ROR1: variants seen among roughly 807,000 people sequenced by gnomAD.
ROR1 encodes the protein ROR family WNT receptor 1, also known as inactive tyrosine-protein kinase transmembrane receptor ROR1.
ROR1 carries 19 observed loss-of-function variants against 78.8 expected under a neutral mutation model. That is an observed-to-expected ratio of 0.24 (90% CI 0.17 to 0.35). The LOEUF (loss-of-function observed/expected upper bound fraction) is 0.35, where lower values mean the gene tolerates loss of function less well. Ranked by LOEUF, ROR1 falls within the 10% of genes least tolerant of loss-of-function variation. The probability of loss-of-function intolerance (pLI) is 1.00; values close to 1 mark genes in which losing one functional copy is unlikely to be tolerated. For missense variants in ROR1, 917 were observed against 1,177.8 expected (o/e 0.78, Z 3.24); for synonymous variants, 386 against 433.6 (o/e 0.89, Z 1.36).
At chr1:63,967,570 A>G (rs1336039386) in intron 1 of ROR1, among the ~76,000 whole-genome samples, 1 of 152,118 alleles carries the variant, frequency 6.6e-6, no homozygotes, top group Non-Finnish European at 1.5e-5. Flanking sequence ...TACCACCATC[A>G]TCAACCCTGT....
chr1:64,086,347 A>G (rs1362615094), intron 4 of ROR1, among the ~76,000 whole-genome samples: 1 of 152,194 alleles, frequency 6.6e-6, no homozygotes, highest in Non-Finnish European at 1.5e-5. Context: ...CTTTTCAACT[A>G]GTTATTCAAA....
chr1:63,966,614 C>G (rs1466171258), intron 1 of ROR1, among the ~76,000 whole-genome samples: 1 of 152,200 alleles, frequency 6.6e-6, no homozygotes, highest in Non-Finnish European at 1.5e-5. Flanking sequence ...AACTCTCATT[C>G]AGGCTGTTAA....
intron 1 of ROR1, among the ~76,000 whole-genome samples, chr1:63,905,642 C>T (rs1645522044): frequency 6.6e-6 from 1 of 152,198 alleles, no homozygotes; most frequent in Non-Finnish European, 1.5e-5. Context: ...TATCTATAAT[C>T]TGTTGTTTGG....
chr1:63,811,419 C>A (rs1433592038), intron 1 of ROR1, among the ~76,000 whole-genome samples: 1 of 152,118 alleles, frequency 6.6e-6, no homozygotes, highest in Non-Finnish European at 1.5e-5. Flanking sequence ...CTTTTGAGAT[C>A]AAAATTTTGT....
chr1:63,810,036 C>T (rs1413023241), intron 1 of ROR1, among the ~76,000 whole-genome samples: 1 of 152,104 alleles, frequency 6.6e-6, no homozygotes, highest in East Asian at 1.9e-4. Flanking sequence ...GCAGCTTGCC[C>T]AGGTTCAATG....
At chr1:63,788,938 G>C (rs1644708246) in intron 1 of ROR1, 1 of 774,552 alleles carries the variant, frequency 1.3e-6, no homozygotes, top group African/African-American at 1.7e-5. Flanking sequence ...TTCAGGTACA[G>C]GCTGTGATAC....
chr1:63,996,380 C>A (rs1646337111), intron 1 of ROR1, among the ~76,000 whole-genome samples: 1 of 152,154 alleles, frequency 6.6e-6, no homozygotes, highest in African/African-American at 2.4e-5. Context: ...TCTCCCCAGG[C>A]TATCAGTAAT....
intron 4 of ROR1, among the ~76,000 whole-genome samples, chr1:64,099,708 C>T (rs1261082262): frequency 3.9e-5 from 6 of 152,110 alleles, no homozygotes; most frequent in Admixed American, 2.0e-4. Flanking sequence ...ATTAAAATTT[C>T]AAGTAACACA....
chr1:63,945,677 T>C (rs142008793), intron 1 of ROR1, among the ~76,000 whole-genome samples: 136 of 152,322 alleles, frequency 8.9e-4, no homozygotes, highest in African/African-American at 3.2e-3. Context: ...ATTTGGCCCT[T>C]AATTGGGTGA....
At chr1:63,991,168 C>T (rs115792058) in intron 1 of ROR1, among the ~76,000 whole-genome samples, 1 of 152,100 alleles carries the variant, frequency 6.6e-6, no homozygotes, top group African/African-American at 2.4e-5. Flanking sequence ...CTAAGCTGGT[C>T]TTGAACTCCT....
chr1:64,137,729 C>T (rs917051459), intron 5 of ROR1, among the ~76,000 whole-genome samples: 2 of 152,202 alleles, frequency 1.3e-5, no homozygotes. Context: ...TTCATTCAAA[C>T]ACTCAATAAA....
At chr1:63,863,510 G>T (rs756683567) in intron 1 of ROR1, among the ~76,000 whole-genome samples, 10 of 152,158 alleles carry the variant, frequency 6.6e-5, no homozygotes, top group Non-Finnish European at 1.5e-4. Flanking sequence ...CGTGATCACT[G>T]AGGTTCCTTC....
chr1:64,140,248 T>G lies in ROR1; in HGVS notation c.750T>G (p.Asp250Glu). The G allele has an allele frequency of 5.6e-6, 9 of 1,614,186 alleles. No homozygotes were observed. The highest frequency in any genetic ancestry group is 7.6e-6 in the Non-Finnish European group (9 of 1,180,030). Residue 250 changes from aspartate (D) to glutamate (E), a missense_variant, in exon 6 of 9, where the codon GAT (aspartate) becomes GAG (glutamate). By Grantham distance (45) the Asp-to-Glu change is conservative. Transcript: ENST00000371079. ...SVPKPRDLCR[D>E]ECEILENVLC... is the part of the protein sequence containing the mutation. Reference sequence around the variant, plus strand: ...CAAAGCCCCGTGACTTGTGTCGCGATGAATGTGAAATCCTGGAGAATGTCC... The same window carrying G: ...CAAAGCCCCGTGACTTGTGTCGCGAGGAATGTGAAATCCTGGAGAATGTCC...
At chr1:64,047,057 C>G (rs1370718161) in intron 2 of ROR1, among the ~76,000 whole-genome samples, 2 of 152,128 alleles carry the variant, frequency 1.3e-5, no homozygotes, top group Non-Finnish European at 2.9e-5. Context: ...GGATTAAAGG[C>G]CATTAGTGAT....
intron 4 of ROR1, among the ~76,000 whole-genome samples, chr1:64,133,124 A>G (rs965323622): frequency 1.3e-5 from 2 of 152,194 alleles, no homozygotes; most frequent in African/African-American, 4.8e-5. Context: ...CTTTCCAGGG[A>G]AGGTAGGGGC....
At position 64,009,322 on chromosome 1, in the gene ROR1, A is replaced by G; in HGVS notation, c.109A>G (p.Ser37Gly). ...AAAQETELSVSAELVPTSSWN... is the reference protein window; with the variant it reads ...AAAQETELSVGAELVPTSSWN... ...CTTTTCAGAAACAGAGCTGTCAGTC[A>G]GTGCTGAATTAGTGCCTACCTCATC... Residue 37 changes from serine to glycine, a missense_variant, in exon 2 of 9, where the codon AGT (serine) becomes GGT (glycine). Ser to Gly is a moderately conservative substitution (Grantham distance 56). Transcript: ENST00000371079. 1.2e-6 allele frequency: 2 copies of G among 1,613,404 alleles called. No individual in the cohort carries two copies. The highest frequency in any genetic ancestry group is 8.5e-7 in the Non-Finnish European group (1 of 1,179,388).
intron 1 of ROR1, among the ~76,000 whole-genome samples, chr1:63,851,043 G>A (rs562926927): frequency 3.9e-5 from 6 of 152,264 alleles, no homozygotes; most frequent in African/African-American, 1.4e-4. Context: ...GCAGTGGCAC[G>A]ATCTAGGCTC....
intron 2 of ROR1, among the ~76,000 whole-genome samples, chr1:64,013,919 G>T (rs1347927326): frequency 6.6e-6 from 1 of 152,234 alleles, no homozygotes; most frequent in Non-Finnish European, 1.5e-5. Flanking sequence ...CCCAGTTATG[G>T]TGTGTAAATG....
chr1:63,958,866 T>A (rs1346627897), intron 1 of ROR1, among the ~76,000 whole-genome samples: 2 of 152,208 alleles, frequency 1.3e-5, no homozygotes, highest in African/African-American at 4.8e-5. Flanking sequence ...GCATCCCACA[T>A]AACACTTCTT....
Sources: gnomAD v4.1 joint callset for allele counts (sites outside exome capture counted in the v4.1 genomes callset) on GRCh38, gnomAD v4.1.1 for gene constraint, MANE v1.5 for transcripts, NCBI Gene and HGNC (gene_info 2026-07-23, HGNC 2026-07-21) for gene names.